The following OSBP2 variants were observed in gnomAD, a reference collection of about 807,000 sequenced individuals.
OSBP2 encodes oxysterol-binding protein 2.
Under a neutral mutation model 96.0 loss-of-function variants are expected in OSBP2, and 66 were observed. The observed-to-expected ratio is 0.69, with a 90% CI of 0.56 to 0.84. OSBP2 has a LOEUF of 0.84. Ranked by LOEUF, OSBP2 falls within the 40% of genes least tolerant of loss-of-function variation. The pLI, the probability that OSBP2 is intolerant of heterozygous loss-of-function variation, is 0.00. For synonymous variants in OSBP2, 525 were observed against 520.9 expected (o/e 1.01, Z -0.11); for missense variants, 1,038 against 1,222.7 (o/e 0.85, Z 2.25).
rs1228921753 is a variant in OSBP2, at chr22:30,905,849, G to A, written c.2388G>A (p.Glu796=). The A allele has an allele frequency of 6.2e-7, 1 of 1,613,264 alleles. No homozygotes were observed. Among genetic ancestry groups the A allele is most frequent in the Non-Finnish European group, 8.5e-7 (1 of 1,179,604 alleles). The change falls in exon 13 of 14, where the codon GAG becomes GAA. Residue 796 remains glutamate, a synonymous_variant. Transcript: ENST00000332585. ...WKKYPLPENA[E]NMYYFSELAL... Reference sequence around the variant, plus strand: ...ACCACCGCCACAGGGAGAACGCGGAGAACATGTACTACTTCTCAGAGCTGG... The same window carrying A: ...ACCACCGCCACAGGGAGAACGCGGAAAACATGTACTACTTCTCAGAGCTGG...
chr22:30,883,768 CA>C (rs2039748568), intron 3 of OSBP2, among the ~76,000 whole-genome samples: 1 of 126,956 alleles, frequency 7.9e-6, no homozygotes, highest in Non-Finnish European at 1.7e-5. Flanking sequence ...CTGAGGCACC[CA>C]GAGGGATACC....
intron 2 of OSBP2, among the ~76,000 whole-genome samples, chr22:30,784,500 C>G (rs2090561193): frequency 6.6e-6 from 1 of 152,046 alleles, no homozygotes. Context: ...CTCAAGTGAT[C>G]CCACTACCTT....
chr22:30,703,766 G>A (rs772702423), intron 1 of OSBP2, among the ~76,000 whole-genome samples: 7 of 152,114 alleles, frequency 4.6e-5, no homozygotes, highest in Non-Finnish European at 8.8e-5. Flanking sequence ...GTGAGCCATC[G>A]TGCCTGGCCT....
In OSBP2 at chr22:30,730,752, CTCTCTCTCTCTCTCTCTCTCTCTATA is replaced by C. The variant is rs1569100216; in HGVS notation, c.645-10407_645-10382del. On this transcript the variant is annotated intron_variant, in intron 1 of 13. Coordinates refer to ENST00000332585, the MANE Select transcript of OSBP2 (RefSeq NM_030758.4). ...TCTCTCTCTCTCTCTCTCTCTCTCTCTCTCTCTCTCTCTCTCTCTCTCTATATATATATATATATATATATATATAT... is the reference window on the plus strand; with the variant it reads ...TCTCTCTCTCTCTCTCTCTCTCTCTCTATATATATATATATATATATATAT... Among the ~76,000 whole-genome samples, 9 of 44,572 alleles carry C rather than the reference CTCTCTCTCTCTCTCTCTCTCTCTATA, an allele frequency of 2.0e-4. No homozygotes were observed. In the South Asian group the frequency reaches 7.2e-3, roughly 36 times the overall value. 29.2% of individuals were successfully genotyped at this position (44,572 alleles called of 152,430 possible).
At chr22:30,750,448 T>A (rs1468217635) in intron 2 of OSBP2, among the ~76,000 whole-genome samples, 1 of 152,088 alleles carries the variant, frequency 6.6e-6, no homozygotes. Flanking sequence ...AAACAAAAAA[T>A]TAAAATTCAA....
At position 30,889,191 on chromosome 22, in the gene OSBP2, G is replaced by C. The variant is rs746490863; in HGVS notation, c.1433G>C (p.Gly478Ala). The change falls in exon 6 of 14, where the codon GGT becomes GCT. Residue 478 changes from glycine (G) to alanine (A), a missense_variant. This residue lies in a region of OSBP2 where 737 missense variants were observed against 913.3 expected (regional missense o/e 0.81). Coordinates refer to ENST00000332585, the MANE Select transcript of OSBP2 (RefSeq NM_030758.4). Reference sequence around the variant, plus strand: ...TGTATTTCCAGCAGAAAAGCTGAAGGTAGCACCGGGACAAGTTCCGTGGAC... The same window carrying C: ...TGTATTTCCAGCAGAAAAGCTGAAGCTAGCACCGGGACAAGTTCCGTGGAC... ...EAKEDSRKAE[G>A]STGTSSVDWS... is the part of the protein sequence containing the mutation. 17 of 1,613,464 alleles carry C rather than the reference G, an allele frequency of 1.1e-5. No individual in the cohort carries two copies. The highest frequency in any genetic ancestry group is 1.4e-5 in the Non-Finnish European group (17 of 1,179,854).
At position 30,871,092 on chromosome 22, in the gene OSBP2, G is replaced by A. The variant is rs973702311; in HGVS notation, c.1107+410G>A. Among the ~76,000 whole-genome samples the A allele has an allele frequency of 6.6e-6, 1 of 152,190 alleles. No individual in the cohort carries two copies. Among genetic ancestry groups the A allele is most frequent in the Admixed American group, 6.5e-5 (1 of 15,280 alleles). On this transcript the variant is annotated intron_variant, in intron 3 of 13. Transcript: ENST00000332585. This position sits in a 1 kb window ranked among gnomAD's most constrained non-coding sequence, Gnocchi z 4.7. Reference sequence around the variant, plus strand: ...TCCCTGGGTTCACTCCCCAGATGCAGTGGGAGCAGACGCTGTGCACAACAA... The same window carrying A: ...TCCCTGGGTTCACTCCCCAGATGCAATGGGAGCAGACGCTGTGCACAACAA...
intron 3 of OSBP2, among the ~76,000 whole-genome samples, chr22:30,877,081 T>C (rs1430971657): frequency 6.6e-6 from 1 of 151,718 alleles, no homozygotes; most frequent in Non-Finnish European, 1.5e-5. Context: ...GCAGTATCTC[T>C]CACAATCCCC....
chr22:30,863,761 C>T (rs551824964), intron 2 of OSBP2, among the ~76,000 whole-genome samples: 8 of 152,292 alleles, frequency 5.3e-5, no homozygotes, highest in Admixed American at 3.9e-4. Flanking sequence ...CTGGTCAGAG[C>T]GAATCCTGCT....
intron 2 of OSBP2, among the ~76,000 whole-genome samples, chr22:30,796,527 A>G (rs370241289): frequency 6.6e-6 from 1 of 151,854 alleles, no homozygotes; most frequent in Non-Finnish European, 1.5e-5. Context: ...TTTATTTGAA[A>G]CAGGTTCTTA....
chr22:30,811,142 CA>C (rs1245227477), intron 2 of OSBP2, among the ~76,000 whole-genome samples: 1 of 145,924 alleles, frequency 6.9e-6, no homozygotes, highest in African/African-American at 2.6e-5. Flanking sequence ...CATGCATTTA[CA>C]AAGCCATATA....
chr22:30,724,505 G>GCCACCATGCCCAGCTT (rs1384473800), intron 1 of OSBP2, among the ~76,000 whole-genome samples: 6 of 152,188 alleles, frequency 3.9e-5, no homozygotes, highest in Non-Finnish European at 8.8e-5. Flanking sequence ...ACAGGCGTGA[G>GCCACCATGCCCAGCTT]CCACCATGCC....
At chr22:30,867,339 A>G (rs1368048072) in intron 2 of OSBP2, among the ~76,000 whole-genome samples, 1 of 151,802 alleles carries the variant, frequency 6.6e-6, no homozygotes, top group East Asian at 1.9e-4. Context: ...TCCCCTTTCC[A>G]ACCTACTCCT....
chr22:30,703,479 G>C (rs1325518555), intron 1 of OSBP2, among the ~76,000 whole-genome samples: 1 of 140,184 alleles, frequency 7.1e-6, no homozygotes, highest in Non-Finnish European at 1.5e-5. Context: ...CGGCCTTATA[G>C]CTTTTTTTTT....
rs957187029 is a variant in OSBP2, at chr22:30,906,376, C to T, written c.*37C>T. ...GCAACAAATACAGGCGCCTGCACAGCCTGGCCCACCTGTTCATTAATGCAC... is the reference window on the plus strand; with the variant it reads ...GCAACAAATACAGGCGCCTGCACAGTCTGGCCCACCTGTTCATTAATGCAC... On this transcript the variant is annotated 3_prime_UTR_variant, in exon 14 of 14. Coordinates refer to ENST00000332585, the MANE Select transcript of OSBP2 (RefSeq NM_030758.4). 2 of 1,548,282 alleles carry T rather than the reference C, an allele frequency of 1.3e-6. No individual in the cohort carries two copies. The highest frequency in any genetic ancestry group is 2.8e-5 in the African/African-American group (2 of 72,536).
At chr22:30,821,905 T>A (rs1051179537) in intron 2 of OSBP2, among the ~76,000 whole-genome samples, 6 of 152,380 alleles carry the variant, frequency 3.9e-5, no homozygotes, top group African/African-American at 1.4e-4. Context: ...TTAACTTTGC[T>A]AACTTACTGG....
intron 2 of OSBP2, among the ~76,000 whole-genome samples, chr22:30,844,886 C>G (rs1246390752): frequency 6.6e-6 from 1 of 152,168 alleles, no homozygotes; most frequent in Non-Finnish European, 1.5e-5. Context: ...GCAACTCTTT[C>G]TTTCACCTGA....
intron 2 of OSBP2, among the ~76,000 whole-genome samples, chr22:30,778,307 A>G (rs1401666882): frequency 6.7e-6 from 1 of 149,514 alleles, no homozygotes; most frequent in African/African-American, 2.5e-5. Flanking sequence ...GCATGTGCAC[A>G]CACACACACA....
chr22:30,818,000 A>G (rs2091101543), intron 2 of OSBP2, among the ~76,000 whole-genome samples: 1 of 152,060 alleles, frequency 6.6e-6, no homozygotes, highest in Non-Finnish European at 1.5e-5. Flanking sequence ...GGGTCAAGCA[A>G]TCCTCCCACC....
Sources: gnomAD v4.1 joint callset for allele counts (sites outside exome capture counted in the v4.1 genomes callset) on GRCh38, gnomAD v4.1.1 for gene constraint, gnomAD v4.1.1 regional missense constraint, Gnocchi (gnomAD v3.1) non-coding constraint, MANE v1.5 for transcripts, NCBI Gene and HGNC (gene_info 2026-07-23, HGNC 2026-07-21) for gene names.